CTNNA2: variants seen among roughly 807,000 people sequenced by gnomAD.
The protein encoded by CTNNA2 is catenin alpha 2.
CTNNA2 carries 42 observed loss-of-function variants against 101.0 expected under a neutral mutation model. The observed-to-expected ratio is 0.42, with a 90% confidence interval of 0.32 to 0.54. The LOEUF is 0.54. CTNNA2 is among the 20% of genes least tolerant of loss of function. CTNNA2 has a pLI of 0.14. For synonymous variants in CTNNA2, 450 were observed against 456.4 expected (o/e 0.99, Z 0.18); for missense variants, 871 against 1,223.1 (o/e 0.71, Z 4.29).
At chr2:79,488,318 C>CAAAAAAAAAAAAAAAAAAAAAAAAAAAA (rs61641596) in intron 4 of CTNNA2, among the ~76,000 whole-genome samples, 2 of 99,876 alleles carry the variant, frequency 2.0e-5, no homozygotes, top group African/African-American at 6.3e-5. Context: ...AACTCCATCT[C>CAAAAAAAAAAAAAAAAAAAAAAAAAAAA]AAAAAAAAAA....
intron 3 of CTNNA2, among the ~76,000 whole-genome samples, chr2:79,821,596 T>G (rs2105381191): frequency 6.6e-6 from 1 of 152,322 alleles, no homozygotes; most frequent in Middle Eastern, 3.4e-3. Context: ...GGACGCTAGA[T>G]ATATAAAAAT....
At chr2:79,619,154 C>T (rs1416826460) in intron 1 of CTNNA2, among the ~76,000 whole-genome samples, 2 of 152,198 alleles carry the variant, frequency 1.3e-5, no homozygotes, top group Admixed American at 1.3e-4. Context: ...TGCAGTGAGC[C>T]GAGATTGCAC....
At chr2:79,694,117 G>A (rs1315216978) in intron 2 of CTNNA2, among the ~76,000 whole-genome samples, 2 of 151,910 alleles carry the variant, frequency 1.3e-5, no homozygotes, top group East Asian at 3.9e-4. Flanking sequence ...CAACCTCACA[G>A]CAACCACAAA....
At chr2:80,404,188 A>G (rs1678838880) in intron 8 of CTNNA2, among the ~76,000 whole-genome samples, 1 of 152,090 alleles carries the variant, frequency 6.6e-6, no homozygotes, top group South Asian at 2.1e-4. Context: ...TTATTTGCAT[A>G]GGTGTTTATA....
At chr2:79,909,330 T>C (rs1685632548) in intron 6 of CTNNA2, among the ~76,000 whole-genome samples, 1 of 152,254 alleles carries the variant, frequency 6.6e-6, no homozygotes, top group South Asian at 2.1e-4. Context: ...CCTAATCTTA[T>C]TTGAAAGCTC....
intron 11 of CTNNA2, among the ~76,000 whole-genome samples, chr2:80,554,664 C>A (rs1306591063): frequency 6.6e-6 from 1 of 152,128 alleles, no homozygotes; most frequent in Non-Finnish European, 1.5e-5. Flanking sequence ...ACAATCACCT[C>A]CTAAAGTCTG....
intron 7 of CTNNA2, among the ~76,000 whole-genome samples, chr2:80,279,482 T>C (rs1051698116): frequency 9.9e-5 from 15 of 152,208 alleles, no homozygotes; most frequent in African/African-American, 3.4e-4. Context: ...GCATTAGTTT[T>C]GATGATTTCA....
At chr2:79,423,323 C>A (rs1412378633) in intron 4 of CTNNA2, among the ~76,000 whole-genome samples, 1 of 152,150 alleles carries the variant, frequency 6.6e-6, no homozygotes, top group African/African-American at 2.4e-5. Flanking sequence ...CATTCCAGAC[C>A]ATCCTATCTG....
chr2:79,918,275 A>C (rs745590571), intron 7 of CTNNA2, among the ~76,000 whole-genome samples: 5 of 152,170 alleles, frequency 3.3e-5, no homozygotes, highest in Non-Finnish European at 7.4e-5. Context: ...GGGCATTACT[A>C]GAAGAAAAGA....
At chr2:79,780,436 T>C (rs186143219) in intron 3 of CTNNA2, among the ~76,000 whole-genome samples, 244 of 152,270 alleles carry the variant, frequency 1.6e-3, no homozygotes, top group African/African-American at 5.6e-3. Context: ...ATCTTAGAGA[T>C]CTTCTAGCTC....
chr2:80,184,320 T>C (rs1402115775), intron 7 of CTNNA2, among the ~76,000 whole-genome samples: 1 of 152,190 alleles, frequency 6.6e-6, no homozygotes, highest in Non-Finnish European at 1.5e-5. Flanking sequence ...ATTTATATAT[T>C]CATTAAGTGT....
chr2:80,121,970 G>C (rs1701858737), intron 7 of CTNNA2, among the ~76,000 whole-genome samples: 1 of 152,156 alleles, frequency 6.6e-6, no homozygotes, highest in Admixed American at 6.5e-5. Flanking sequence ...GCGAGGCTGT[G>C]GGTGTAACAG....
intron 3 of CTNNA2, among the ~76,000 whole-genome samples, chr2:79,371,988 T>G (rs1352312479): frequency 6.6e-6 from 1 of 151,944 alleles, no homozygotes; most frequent in African/African-American, 2.4e-5. Flanking sequence ...GCAGAAAGAG[T>G]TGATGGCTTC....
At chr2:79,294,238 AGAGGAG>A (rs369054802) in intron 2 of CTNNA2, among the ~76,000 whole-genome samples, 8,498 of 149,786 alleles carry the variant, frequency 0.057, 295 homozygotes, top group South Asian at 0.11. Context: ...AAGAAGAAGA[AGAGGAG>A]GAGGAGGAGG....
chr2:80,125,703 T>G (rs1015256463), intron 7 of CTNNA2, among the ~76,000 whole-genome samples: 5 of 152,186 alleles, frequency 3.3e-5, no homozygotes, highest in African/African-American at 1.2e-4. Context: ...GAAACCCATT[T>G]GCCATTTCTG....
At chr2:79,716,640 G>A (rs370005151) in intron 2 of CTNNA2, among the ~76,000 whole-genome samples, 7 of 152,180 alleles carry the variant, frequency 4.6e-5, no homozygotes, top group Non-Finnish European at 1.0e-4. Context: ...CTAGGGAACG[G>A]CAGTTCACAG....
chr2:80,272,825 A>C (rs1039710225), intron 7 of CTNNA2, among the ~76,000 whole-genome samples: 21 of 152,208 alleles, frequency 1.4e-4, no homozygotes, highest in Non-Finnish European at 2.2e-4. Flanking sequence ...TAAATCTAGC[A>C]ACCCAAGCTG....
At chr2:80,580,449 A>C (rs984327636) in intron 13 of CTNNA2, among the ~76,000 whole-genome samples, 2 of 152,138 alleles carry the variant, frequency 1.3e-5, no homozygotes, top group African/African-American at 4.8e-5. Context: ...AAAACTAATA[A>C]TGAGAAGTAT....
intron 7 of CTNNA2, among the ~76,000 whole-genome samples, chr2:80,194,540 G>A (rs760950257): frequency 5.9e-5 from 9 of 151,370 alleles, no homozygotes; most frequent in Non-Finnish European, 8.8e-5. Context: ...TGGGGGATAG[G>A]GAGTGATGTG....
Sources: gnomAD v4.1 joint callset for allele counts (sites outside exome capture counted in the v4.1 genomes callset) on GRCh38, gnomAD v4.1.1 for gene constraint, MANE v1.5 for transcripts, NCBI Gene and HGNC (gene_info 2026-07-23, HGNC 2026-07-21) for gene names.